Variants in ROPN1 observed in about 807,000 individuals in gnomAD.
The protein encoded by ROPN1 is rhophilin associated tail protein 1.
Under a neutral mutation model 20.5 loss-of-function variants are expected in ROPN1, and 14 were observed. The ratio of observed to expected loss-of-function variants is 0.68; its 90% CI spans 0.45 to 1.07. The LOEUF is 1.07. Among genes scored for constraint, ROPN1 ranks in the 50% least tolerant of loss-of-function variants. The probability of loss-of-function intolerance (pLI) is 0.00; values close to 1 mark genes in which losing one functional copy is unlikely to be tolerated. For synonymous variants in ROPN1, 76 were observed against 95.7 expected, an observed-to-expected ratio of 0.79 and a Z score of 1.20; for missense variants, 169 against 242.8, an observed-to-expected ratio of 0.70 and a Z score of 2.02.
intron 1 of ROPN1, among the ~76,000 whole-genome samples, chr3:123,987,361 C>G (rs1184593223): frequency 6.6e-6 from 1 of 152,226 alleles, no homozygotes; most frequent in Non-Finnish European, 1.5e-5. Flanking sequence ...AGCCAAGCTT[C>G]TGTGCCTTCC....
chr3:123,980,007 G>A (rs911312838), intron 2 of ROPN1: 14 of 485,244 alleles, frequency 2.9e-5, no homozygotes, highest in African/African-American at 9.6e-5. Flanking sequence ...ATTAAGCTTC[G>A]GAGATTCCCA....
intron 1 of ROPN1, among the ~76,000 whole-genome samples, chr3:123,986,407 G>A (rs1045851046): frequency 1.3e-5 from 2 of 152,166 alleles, no homozygotes; most frequent in Non-Finnish European, 2.9e-5. Flanking sequence ...GCTATTGTGG[G>A]GAGCAGGGGT....
At chr3:123,985,138 G>T (rs916260991) in intron 1 of ROPN1, among the ~76,000 whole-genome samples, 1 of 152,192 alleles carries the variant, frequency 6.6e-6, no homozygotes, top group Non-Finnish European at 1.5e-5. Flanking sequence ...ACTTACAACA[G>T]TTGAAATTAT....
At chr3:123,977,469 G>A (rs2038048570) in intron 2 of ROPN1, among the ~76,000 whole-genome samples, 1 of 152,334 alleles carries the variant, frequency 6.6e-6, no homozygotes, top group East Asian at 1.9e-4. Flanking sequence ...AAGCCCAGGA[G>A]TTTGAGGCTG....
chr3:123,988,346 A>C (rs1365720349), intron 1 of ROPN1, among the ~76,000 whole-genome samples: 1 of 152,082 alleles, frequency 6.6e-6, no homozygotes, highest in Admixed American at 6.5e-5. Context: ...GGTTTTCACC[A>C]TGTTGGTCAG....
Position 123,975,053 on chromosome 3 carries a change from G to A in ROPN1, c.396+326C>T, listed in dbSNP as rs970549634. On this transcript the variant is annotated intron_variant, in intron 4 of 5. Coordinates refer to ENST00000405845, the MANE Select transcript of ROPN1 (RefSeq NM_001317774.2). ...TGTCTGGAAGTCTTTTTCTACAGTC[G>A]GCTCTTGGTTGTCTCTGGGAATATG... 21 of 404,304 alleles carry A rather than the reference G, an allele frequency of 5.2e-5. No homozygotes were observed. In the East Asian group the frequency reaches 8.5e-4, roughly 16 times the overall value. The allele number at this position is 404,304 out of a possible 1,614,324, so 25.0% of individuals were successfully genotyped here. A position where few individuals can be genotyped will look rare whatever the true frequency, so the allele number is the denominator to read the frequency against.
intron 1 of ROPN1, chr3:123,981,345 G>C (rs1053915791): frequency 2.0e-5 from 3 of 153,088 alleles, no homozygotes; most frequent in Non-Finnish European, 4.4e-5. Context: ...AGGGGAACCC[G>C]CAGTGCTGGG....
At chr3:123,988,691 GT>G (rs774189908) in intron 1 of ROPN1, among the ~76,000 whole-genome samples, 1 of 152,062 alleles carries the variant, frequency 6.6e-6, no homozygotes, top group Non-Finnish European at 1.5e-5. Context: ...TTGGCCCTGG[GT>G]CTATTTATGA....
At chr3:123,977,697 C>T (rs369277610) in intron 2 of ROPN1, among the ~76,000 whole-genome samples, 2 of 152,224 alleles carry the variant, frequency 1.3e-5, no homozygotes, top group Admixed American at 6.5e-5. Context: ...GAAGAGAAGC[C>T]GAAGAAGGTT....
chr3:123,980,690 T>C (rs1488370582), intron 1 of ROPN1, 197 bp from the exon 2 acceptor site: 3 of 495,226 alleles, frequency 6.1e-6, no homozygotes, highest in Non-Finnish European at 1.1e-5. Flanking sequence ...GAAATAGTTA[T>C]GTCCTTTACA....
intron 1 of ROPN1, among the ~76,000 whole-genome samples, chr3:123,986,783 G>A (rs2038270044): frequency 1.3e-5 from 2 of 152,206 alleles, no homozygotes; most frequent in African/African-American, 4.8e-5. Context: ...GTATGGGGAG[G>A]GAAAGTACTG....
At chr3:123,973,914 C>T (rs748027855) in intron 4 of ROPN1, among the ~76,000 whole-genome samples, 4 of 152,176 alleles carry the variant, frequency 2.6e-5, no homozygotes, top group African/African-American at 2.4e-5. Flanking sequence ...CCAGAGATGC[C>T]AGGGAAGACT....
At chr3:123,970,257 C>T (rs1363792231) in intron 4 of ROPN1, 40 bp from the exon 5 acceptor site, 2 of 1,563,768 alleles carry the variant, frequency 1.3e-6, no homozygotes, top group South Asian at 2.3e-5. Flanking sequence ...GTTACTCTTC[C>T]AGGCAATATT....
At chr3:123,980,608 C>G in intron 1 of ROPN1, 115 bp from the exon 2 acceptor site, 1 of 833,178 alleles carries the variant, frequency 1.2e-6, no homozygotes, top group Non-Finnish European at 1.9e-6. Context: ...GGGGACTCTG[C>G]AAGACAAATG....
chr3:123,989,875 T>TC (rs560875603), intron 1 of ROPN1, among the ~76,000 whole-genome samples: 50 of 152,346 alleles, frequency 3.3e-4, no homozygotes, highest in African/African-American at 1.2e-3. Context: ...AAAGGTTTCT[T>TC]CCTTGGGTGA....
At chr3:123,986,609 G>T (rs1201375805) in intron 1 of ROPN1, among the ~76,000 whole-genome samples, 4 of 152,156 alleles carry the variant, frequency 2.6e-5, no homozygotes, top group Non-Finnish European at 5.9e-5. Context: ...GTGCTTGCTG[G>T]TTCTGTACCC....
intron 1 of ROPN1, among the ~76,000 whole-genome samples, chr3:123,985,771 T>G (rs1379626565): frequency 1.3e-5 from 2 of 151,928 alleles, no homozygotes; most frequent in Non-Finnish European, 2.9e-5. Flanking sequence ...ACCCAACACT[T>G]TGGGAGGCTG....
At chr3:123,991,782 C>G (rs1443491274) in intron 1 of ROPN1, 140 bp downstream of exon 1, 1 of 152,454 alleles carries the variant, frequency 6.6e-6, no homozygotes, top group African/African-American at 2.4e-5. Flanking sequence ...CTTGAAGATC[C>G]CCTTGCCTTC....
At chr3:123,991,149 C>T (rs2038399383) in intron 1 of ROPN1, 1 of 150,248 alleles carries the variant, frequency 6.7e-6, no homozygotes, top group Admixed American at 6.6e-5. Context: ...CTGTCAGTTC[C>T]ATTGTACATA....
Sources: gnomAD v4.1 joint callset for allele counts (sites outside exome capture counted in the v4.1 genomes callset) on GRCh38, gnomAD v4.1.1 for gene constraint, MANE v1.5 for transcripts, NCBI Gene and HGNC (gene_info 2026-07-23, HGNC 2026-07-21) for gene names.